The following DLG1 variants were observed in gnomAD, a reference collection of about 807,000 sequenced individuals.
DLG1 encodes disks large homolog 1.
In DLG1, 42 loss-of-function variants were observed where a neutral mutation model predicts 123.4. The observed-to-expected ratio is 0.34, with a 90% CI of 0.27 to 0.44. DLG1 has a LOEUF of 0.44. Ranked by LOEUF, DLG1 falls within the 20% of genes least tolerant of loss-of-function variation. The pLI, the probability that DLG1 is intolerant of heterozygous loss-of-function variation, is 1.00. For synonymous variants in DLG1, 317 were observed against 356.2 expected, an observed-to-expected ratio of 0.89 and a Z score of 1.24; for missense variants, 942 against 1,082.6, an observed-to-expected ratio of 0.87 and a Z score of 1.82.
intron 4 of DLG1, among the ~76,000 whole-genome samples, chr3:197,240,871 A>G (rs1232055501): frequency 3.3e-5 from 5 of 151,942 alleles, no homozygotes; most frequent in Non-Finnish European, 7.4e-5. Context: ...CATAGGAGAA[A>G]AAAGAATGAA....
At chr3:197,188,568 G>A (rs545532306) in intron 5 of DLG1, among the ~76,000 whole-genome samples, 3 of 152,244 alleles carry the variant, frequency 2.0e-5, no homozygotes, top group East Asian at 3.9e-4. Flanking sequence ...GACTAAAGCT[G>A]TGCCTAATTT....
intron 23 of DLG1, among the ~76,000 whole-genome samples, chr3:197,053,253 G>A (rs527450471): frequency 8.5e-5 from 13 of 152,290 alleles, no homozygotes; most frequent in Admixed American, 8.5e-4. Context: ...TTACTGTCTA[G>A]TACTCTTTCA....
chr3:197,264,168 T>G (rs1448038778), intron 4 of DLG1, among the ~76,000 whole-genome samples: 1 of 152,210 alleles, frequency 6.6e-6, no homozygotes, highest in East Asian at 1.9e-4. Context: ...CTCCGATGTC[T>G]AGGGTCATCA....
intron 17 of DLG1, among the ~76,000 whole-genome samples, chr3:197,078,094 T>C (rs1748458411): frequency 6.6e-6 from 1 of 150,468 alleles, no homozygotes; most frequent in East Asian, 2.0e-4. Flanking sequence ...GGAGGATCGC[T>C]TGAGGCCAGG....
intron 5 of DLG1, 115 bp downstream of exon 5, chr3:197,194,309 TG>T: frequency 3.1e-5 from 15 of 487,786 alleles, no homozygotes; most frequent in Admixed American, 5.7e-5. Flanking sequence ...GAAACTAAAA[TG>T]GGGGGGTGGG....
chr3:197,101,570 T>C (rs941554421), intron 14 of DLG1, among the ~76,000 whole-genome samples: 5 of 152,000 alleles, frequency 3.3e-5, no homozygotes, highest in African/African-American at 9.7e-5. Context: ...TTTGTATTTT[T>C]AGTAGAGACG....
At chr3:197,264,311 A>G (rs921519111) in intron 4 of DLG1, among the ~76,000 whole-genome samples, 3 of 152,190 alleles carry the variant, frequency 2.0e-5, no homozygotes, top group African/African-American at 7.2e-5. Flanking sequence ...TTACTACTAC[A>G]GATTGGGTAT....
intron 5 of DLG1, among the ~76,000 whole-genome samples, chr3:197,188,265 CTCT>C (rs1717269641): frequency 6.6e-6 from 1 of 152,202 alleles, no homozygotes; most frequent in Admixed American, 6.5e-5. Context: ...CGGCCTCCTC[CTCT>C]GACTTGGCAT....
intron 4 of DLG1, among the ~76,000 whole-genome samples, chr3:197,197,012 C>T (rs1412401325): frequency 6.6e-6 from 1 of 152,130 alleles, no homozygotes; most frequent in African/African-American, 2.4e-5. Context: ...AAGCCTCATT[C>T]TTGAAAGAAA....
intron 14 of DLG1, among the ~76,000 whole-genome samples, chr3:197,094,588 T>C (rs116120959): frequency 1.1e-3 from 174 of 152,346 alleles, no homozygotes; most frequent in African/African-American, 3.2e-3. Context: ...CTTATCAAAA[T>C]TGTCAGAGCA....
chr3:197,267,849 TTGTC>T (rs1352107758), intron 4 of DLG1, among the ~76,000 whole-genome samples: 5 of 152,346 alleles, frequency 3.3e-5, no homozygotes, highest in African/African-American at 1.2e-4. Flanking sequence ...TTTTTTCTGT[TTGTC>T]TGTTTTTCTA....
At chr3:197,075,522 A>C (rs1746654067) in intron 18 of DLG1, among the ~76,000 whole-genome samples, 1 of 152,020 alleles carries the variant, frequency 6.6e-6, no homozygotes, top group Non-Finnish European at 1.5e-5. Flanking sequence ...ATGAGGGTAC[A>C]TTTAAAAAAA....
At chr3:197,240,931 AT>A (rs1031630266) in intron 4 of DLG1, among the ~76,000 whole-genome samples, 1 of 152,100 alleles carries the variant, frequency 6.6e-6, no homozygotes, top group Admixed American at 6.6e-5. Context: ...CAAAAAAAAA[AT>A]GTAAGAATTA....
At chr3:197,176,817 C>G (rs1249439469) in intron 5 of DLG1, among the ~76,000 whole-genome samples, 5 of 151,984 alleles carry the variant, frequency 3.3e-5, no homozygotes, top group Non-Finnish European at 4.4e-5. Context: ...TGGGCAAATA[C>G]CAAGGAGTAC....
intron 5 of DLG1, among the ~76,000 whole-genome samples, chr3:197,153,354 T>C (rs1292392858): frequency 6.6e-6 from 1 of 152,210 alleles, no homozygotes; most frequent in Non-Finnish European, 1.5e-5. Flanking sequence ...TGGAGTCTAC[T>C]GAAGGCTGGC....
At chr3:197,256,752 G>T (rs891826253) in intron 4 of DLG1, among the ~76,000 whole-genome samples, 9 of 152,092 alleles carry the variant, frequency 5.9e-5, no homozygotes, top group Non-Finnish European at 7.4e-5. Context: ...CAACCATAAG[G>T]GATCAATCTA....
chr3:197,277,434 A>T (rs1459913844), intron 4 of DLG1, among the ~76,000 whole-genome samples: 1 of 151,816 alleles, frequency 6.6e-6, no homozygotes. Context: ...TCCGCTTCCT[A>T]GGTTCATGCG....
At chr3:197,206,707 T>C (rs1728689075) in intron 4 of DLG1, among the ~76,000 whole-genome samples, 1 of 151,888 alleles carries the variant, frequency 6.6e-6, no homozygotes, top group African/African-American at 2.4e-5. Context: ...GCTAACACTT[T>C]TCAGGAGATA....
chr3:197,103,850 GTTGT>G (rs772729345), intron 14 of DLG1, among the ~76,000 whole-genome samples: 1 of 151,740 alleles, frequency 6.6e-6, no homozygotes, highest in Non-Finnish European at 1.5e-5. Context: ...TATTCATCAT[GTTGT>G]TTATGAGCAT....
Sources: allele counts gnomAD v4.1 joint callset (sites outside exome capture counted in the v4.1 genomes callset), GRCh38; gene constraint gnomAD v4.1.1; transcripts MANE v1.5; gene names NCBI Gene and HGNC (gene_info 2026-07-23, HGNC 2026-07-21).